Variants in BMP5 observed in about 807,000 individuals in gnomAD.
BMP5 encodes the protein bone morphogenetic protein 5.
Under a neutral mutation model 46.6 loss-of-function variants are expected in BMP5, and 23 were observed. That is an observed-to-expected ratio of 0.49 (90% CI 0.35 to 0.70). The LOEUF (loss-of-function observed/expected upper bound fraction) is 0.70. BMP5 is among the 30% of genes least tolerant of loss of function. The pLI is 0.00. For missense variants in BMP5, 545 were observed against 565.6 expected (o/e 0.96, Z 0.37); for synonymous variants, 204 against 191.9 (o/e 1.06, Z -0.52).
intron 1 of BMP5, among the ~76,000 whole-genome samples, chr6:55,859,247 C>G (rs1486661511): frequency 6.6e-6 from 1 of 152,124 alleles, no homozygotes; most frequent in Non-Finnish European, 1.5e-5. Flanking sequence ...AGGAACTCCT[C>G]AATGTAATTC....
At chr6:55,830,453 G>A (rs1776638046) in intron 1 of BMP5, among the ~76,000 whole-genome samples, 1 of 152,044 alleles carries the variant, frequency 6.6e-6, no homozygotes, top group Non-Finnish European at 1.5e-5. Context: ...GCAAAATTCA[G>A]CTACGCATCT....
chr6:55,828,863 G>C (rs1027220179), intron 1 of BMP5, among the ~76,000 whole-genome samples: 4 of 151,608 alleles, frequency 2.6e-5, no homozygotes, highest in African/African-American at 9.7e-5. Flanking sequence ...TTTTAAATTG[G>C]TATAATATAA....
Position 55,797,492 on chromosome 6 carries a change from T to C in BMP5, c.684-3065A>G, listed in dbSNP as rs9475409. On this transcript the variant is annotated intron_variant, in intron 2 of 6. Transcript: ENST00000370830. Reference sequence around the variant, plus strand: ...GTAGCAAAAATAATTCCATAAATCCTTTAAATAAGGTGCAGTTACAATACT... The same window carrying C: ...GTAGCAAAAATAATTCCATAAATCCCTTAAATAAGGTGCAGTTACAATACT... 3.6e-3 allele frequency among the ~76,000 whole-genome samples: 545 copies of C among 152,234 alleles called. 5 individuals carry two copies. The highest frequency in any genetic ancestry group is 0.012 in the African/African-American group (514 of 41,538).
chr6:55,766,849 C>A (rs1386534561), intron 4 of BMP5, among the ~76,000 whole-genome samples: 2 of 151,938 alleles, frequency 1.3e-5, no homozygotes, highest in Admixed American at 6.6e-5. Flanking sequence ...AGAGCCATTT[C>A]ATTTCTACAA....
intron 3 of BMP5, among the ~76,000 whole-genome samples, chr6:55,783,426 C>T (rs949417117): frequency 2.6e-5 from 4 of 151,752 alleles, no homozygotes; most frequent in African/African-American, 7.3e-5. Flanking sequence ...TCTTATTACC[C>T]GCATGCCAAA....
At position 55,875,074 on chromosome 6, in the gene BMP5, T is replaced by G; in HGVS notation, c.-209A>C. 1.8e-6 allele frequency: 1 copy of G among 548,008 alleles called. No individual in the cohort carries two copies. The highest frequency in any genetic ancestry group is 3.1e-6 in the Non-Finnish European group (1 of 317,688). The allele number at this position is 548,008 out of a possible 1,614,324, so 33.9% of individuals were successfully genotyped here. ...TTGGAATATGTCAAGAGTAGTTATT[T>G]CTAAGAAAGCTGAAACTCAGATTTC... On this transcript the variant is annotated 5_prime_UTR_variant, in exon 1 of 7. Coordinates refer to ENST00000370830, the MANE Select transcript of BMP5 (RefSeq NM_021073.4).
intron 4 of BMP5, among the ~76,000 whole-genome samples, chr6:55,771,524 C>T (rs1181309599): frequency 2.6e-5 from 4 of 151,784 alleles, no homozygotes; most frequent in South Asian, 2.1e-4. Context: ...GCTGTCAGCA[C>T]GTTAATTTAC....
chr6:55,813,509 G>T (rs1203624038), intron 2 of BMP5, among the ~76,000 whole-genome samples: 1 of 151,646 alleles, frequency 6.6e-6, no homozygotes, highest in Non-Finnish European at 1.5e-5. Context: ...ATGTAATTTG[G>T]CCGGGCGCGG....
At chr6:55,865,648 A>T (rs1777623517) in intron 1 of BMP5, among the ~76,000 whole-genome samples, 1 of 152,190 alleles carries the variant, frequency 6.6e-6, no homozygotes, top group Admixed American at 6.5e-5. Context: ...GAATTTCAGC[A>T]AGGCATTTAT....
At chr6:55,835,728 T>C (rs1776778653) in intron 1 of BMP5, among the ~76,000 whole-genome samples, 1 of 152,218 alleles carries the variant, frequency 6.6e-6, no homozygotes, top group South Asian at 2.1e-4. Context: ...ATGCCAACTA[T>C]AGCCTACATT....
Position 55,755,432 on chromosome 6 carries a change from G to A in BMP5, c.*101C>T, listed in dbSNP as rs954952781. ...ATAGGAAAAGAGTCAAAATGAGCCAGACTAATTTTAGGAAATTCCCCGTTT... is the reference window on the plus strand; with the variant it reads ...ATAGGAAAAGAGTCAAAATGAGCCAAACTAATTTTAGGAAATTCCCCGTTT... On this transcript the variant is annotated 3_prime_UTR_variant, in exon 7 of 7. Coordinates refer to ENST00000370830, the MANE Select transcript of BMP5 (RefSeq NM_021073.4). 1 of 1,166,304 alleles carries A rather than the reference G, an allele frequency of 8.6e-7. No individual in the cohort carries two copies. The highest frequency in any genetic ancestry group is 1.6e-5 in the African/African-American group (1 of 64,500). 72.2% of individuals were successfully genotyped at this position (1,166,304 alleles called of 1,614,324 possible).
intron 1 of BMP5, among the ~76,000 whole-genome samples, chr6:55,826,047 T>A (rs891157046): frequency 1.3e-5 from 2 of 151,966 alleles, no homozygotes; most frequent in East Asian, 3.9e-4. Flanking sequence ...TTCCAAGATA[T>A]CCTTCGCTAA....
intron 1 of BMP5, among the ~76,000 whole-genome samples, chr6:55,860,746 C>T (rs989507322): frequency 1.3e-5 from 2 of 152,190 alleles, no homozygotes; most frequent in African/African-American, 4.8e-5. Context: ...ACTGTACCTA[C>T]TTTTCATAAT....
At chr6:55,808,560 C>T (rs1562048382) in intron 2 of BMP5, among the ~76,000 whole-genome samples, 1 of 152,208 alleles carries the variant, frequency 6.6e-6, no homozygotes, top group Non-Finnish European at 1.5e-5. Flanking sequence ...CTGTTGAGAA[C>T]CTGCACAGGT....
intron 1 of BMP5, among the ~76,000 whole-genome samples, chr6:55,852,766 G>T (rs1387091804): frequency 6.6e-6 from 1 of 152,034 alleles, no homozygotes; most frequent in Non-Finnish European, 1.5e-5. Flanking sequence ...CACTAGTTTG[G>T]TTTGCTGTCA....
chr6:55,760,246 G>GT (rs1183775470), intron 5 of BMP5, among the ~76,000 whole-genome samples: 1 of 151,816 alleles, frequency 6.6e-6, no homozygotes, highest in African/African-American at 2.4e-5. Flanking sequence ...ATTCAGCGTA[G>GT]TTTTTTTGTT....
chr6:55,818,939 T>C (rs190649829), intron 2 of BMP5, among the ~76,000 whole-genome samples: 1 of 151,068 alleles, frequency 6.6e-6, no homozygotes, highest in African/African-American at 2.5e-5. Flanking sequence ...GATAGATAGA[T>C]AGATAGACAG....
chr6:55,865,420 A>G lies in BMP5; in HGVS notation c.490+8956T>C, dbSNP rs538648906. 3 of 506,596 alleles carry G rather than the reference A, an allele frequency of 5.9e-6. No individual in the cohort carries two copies. In the East Asian group the frequency reaches 1.7e-4, roughly 28 times the overall value. The allele number at this position is 506,596 out of a possible 1,614,324, so 31.4% of individuals were successfully genotyped here. ...AGGACTCTGACCAAAGGTAGTATGAAAAGCACCTTTCAGCAGCTAATCACA... is the reference window on the plus strand; with the variant it reads ...AGGACTCTGACCAAAGGTAGTATGAGAAGCACCTTTCAGCAGCTAATCACA... On this transcript the variant is annotated intron_variant, in intron 1 of 6. Transcript: ENST00000370830.
chr6:55,865,512 A>G, intron 1 of BMP5: 2 of 436,526 alleles, frequency 4.6e-6, no homozygotes, highest in Non-Finnish European at 4.5e-6. Context: ...TCTGACATAG[A>G]CTGACCTTTT....
Sources: allele counts gnomAD v4.1 joint callset (sites outside exome capture counted in the v4.1 genomes callset), GRCh38; gene constraint gnomAD v4.1.1; transcripts MANE v1.5; gene names NCBI Gene and HGNC (gene_info 2026-07-23, HGNC 2026-07-21).